The following LPP variants were observed in gnomAD, a reference collection of about 807,000 sequenced individuals.
LPP encodes the protein lipoma-preferred partner.
A neutral mutation model predicts 60.4 loss-of-function variants in LPP; 38 were observed. The observed-to-expected ratio is 0.63, with a 90% CI of 0.49 to 0.83. The LOEUF (loss-of-function observed/expected upper bound fraction) is 0.83. Among genes scored for constraint, LPP ranks in the 40% least tolerant of loss-of-function variants. The pLI is 0.00. For synonymous variants in LPP, 328 were observed against 290.8 expected, an observed-to-expected ratio of 1.13 and a Z score of -1.30; for missense variants, 902 against 783.6, an observed-to-expected ratio of 1.15 and a Z score of -1.80.
At chr3:188,779,282 A>C (rs555323862) in intron 9 of LPP, among the ~76,000 whole-genome samples, 10 of 152,252 alleles carry the variant, frequency 6.6e-5, no homozygotes, top group African/African-American at 2.2e-4. Flanking sequence ...TAGGTGAGTA[A>C]AACTGAATTG....
intron 2 of LPP, among the ~76,000 whole-genome samples, chr3:188,257,225 G>A (rs1560167017): frequency 6.6e-6 from 1 of 152,158 alleles, no homozygotes; most frequent in Non-Finnish European, 1.5e-5. Flanking sequence ...AAGAAGTGTT[G>A]ATAAGCTCAT....
At chr3:188,482,190 T>C (rs755636187) in intron 4 of LPP, among the ~76,000 whole-genome samples, 3 of 152,192 alleles carry the variant, frequency 2.0e-5, no homozygotes, top group Non-Finnish European at 4.4e-5. Context: ...GCCCTCTAGC[T>C]ATGCTTCCTG....
At chr3:188,379,987 T>C (rs1776426526) in intron 3 of LPP, among the ~76,000 whole-genome samples, 1 of 152,234 alleles carries the variant, frequency 6.6e-6, no homozygotes, top group African/African-American at 2.4e-5. Flanking sequence ...GCTTGGACTT[T>C]TTCTGAGATG....
At chr3:188,333,681 C>T (rs1760760942) in intron 2 of LPP, among the ~76,000 whole-genome samples, 1 of 152,132 alleles carries the variant, frequency 6.6e-6, no homozygotes, top group Admixed American at 6.5e-5. Flanking sequence ...ACTATATGCT[C>T]AATGAGCATT....
intron 9 of LPP, among the ~76,000 whole-genome samples, chr3:188,761,009 TG>T (rs1413021369): frequency 1.3e-5 from 2 of 152,248 alleles, no homozygotes; most frequent in Non-Finnish European, 2.9e-5. Context: ...AACTATTCTC[TG>T]GTAGAGTAAT....
chr3:188,698,356 A>G (rs1275084255), intron 7 of LPP, among the ~76,000 whole-genome samples: 1 of 152,104 alleles, frequency 6.6e-6, no homozygotes, highest in African/African-American at 2.4e-5. Flanking sequence ...TCTTGCCTTT[A>G]TTATGTCAAA....
intron 7 of LPP, among the ~76,000 whole-genome samples, chr3:188,708,015 T>C (rs1443327911): frequency 1.3e-5 from 2 of 152,216 alleles, no homozygotes; most frequent in East Asian, 3.8e-4. Context: ...TTGAACAAAA[T>C]AGATTCTTCC....
chr3:188,626,072 C>T (rs1032484596), intron 7 of LPP, among the ~76,000 whole-genome samples: 1 of 152,022 alleles, frequency 6.6e-6, no homozygotes, highest in Admixed American at 6.6e-5. Context: ...AAACCTGAAG[C>T]TTTGAAGCTT....
chr3:188,589,846 G>A lies in LPP; in HGVS notation c.430-19315G>A, dbSNP rs1414215383. On this transcript the variant is annotated intron_variant, in intron 6 of 11. Coordinates refer to ENST00000617246, the MANE Select transcript of LPP (RefSeq NM_001375462.1). ...TTTAAAAAGCATATTTTGAACTAAA[G>A]ACCTGAAATGTGTAGCTTGTGTAGC... Among the ~76,000 whole-genome samples, 3 of 152,244 alleles carry A rather than the reference G, an allele frequency of 2.0e-5. No homozygotes were observed. In the South Asian group the frequency reaches 6.2e-4, roughly 31 times the overall value.
At chr3:188,263,112 C>T (rs1451476967) in intron 2 of LPP, among the ~76,000 whole-genome samples, 1 of 152,162 alleles carries the variant, frequency 6.6e-6, no homozygotes, top group East Asian at 1.9e-4. Flanking sequence ...CATGCCATCC[C>T]TCCATGGAAT....
intron 3 of LPP, among the ~76,000 whole-genome samples, chr3:188,344,332 A>G (rs1441463122): frequency 6.6e-6 from 1 of 152,244 alleles, no homozygotes; most frequent in Non-Finnish European, 1.5e-5. Flanking sequence ...GGCAGTAGTT[A>G]TAAGTGAAAT....
At position 188,347,334 on chromosome 3, in the gene LPP, A is replaced by G. The variant is rs143534358; in HGVS notation, c.-10+5615A>G. The stretch of plus-strand genomic sequence containing the variant: ...ACATTATGAATTACTTCATATCATA[A>G]TTCGTTAACTACGTGTTTATCTGGC... On this transcript the variant is annotated intron_variant, in intron 3 of 11. Transcript: ENST00000617246. Among the ~76,000 whole-genome samples, 1,280 of 152,346 alleles carry G rather than the reference A, an allele frequency of 8.4e-3. 4 individuals are homozygous for G. Among genetic ancestry groups the G allele is most frequent in the Middle Eastern group, 0.048 (14 of 294 alleles).
chr3:188,507,303 G>T (rs1017905357), intron 5 of LPP, among the ~76,000 whole-genome samples: 4 of 152,080 alleles, frequency 2.6e-5, no homozygotes, highest in African/African-American at 7.2e-5. Context: ...TACTGACTCA[G>T]GGTGGTGGGG....
intron 9 of LPP, among the ~76,000 whole-genome samples, chr3:188,787,067 A>G (rs1284705685): frequency 1.3e-5 from 2 of 152,168 alleles, no homozygotes; most frequent in East Asian, 1.9e-4. Context: ...AGGCAGTGCA[A>G]TTACATAAAT....
chr3:188,358,013 G>GA (rs1241551756), intron 3 of LPP, among the ~76,000 whole-genome samples: 2 of 151,708 alleles, frequency 1.3e-5, no homozygotes, highest in Non-Finnish European at 2.9e-5. Flanking sequence ...CATATTGAAG[G>GA]AAAAAAATGA....
intron 1 of LPP, chr3:188,179,640 C>T (rs1724322976): frequency 2.6e-6 from 1 of 379,926 alleles, no homozygotes; most frequent in African/African-American, 2.1e-5. Context: ...GCCAGGAATC[C>T]AGCCGTGGAG....
rs2151379292 is a variant in LPP at position 188,609,880 on chromosome 3, G to C, written c.1113+36G>C. 1.3e-6 allele frequency: 2 copies of C among 1,562,196 alleles called. No homozygotes were observed. Among genetic ancestry groups the C allele is most frequent in the Non-Finnish European group, 1.7e-6 (2 of 1,155,886 alleles). The stretch of plus-strand genomic sequence containing the variant: ...CAGTAACATAAGGAGGAGAATACAG[G>C]GGTGCCTATCTTAGTCTGCCTTCCC... On this transcript the variant is annotated intron_variant, in intron 7 of 11. Coordinates refer to ENST00000617246, the MANE Select transcript of LPP (RefSeq NM_001375462.1). The surrounding 1 kb of genome is among the most constrained non-coding windows in gnomAD (Gnocchi z 6.9).
At chr3:188,620,851 C>A (rs1845677538) in intron 7 of LPP, among the ~76,000 whole-genome samples, 1 of 152,194 alleles carries the variant, frequency 6.6e-6, no homozygotes, top group Non-Finnish European at 1.5e-5. Context: ...AAATACAAAT[C>A]CATGTTCTTC....
At chr3:188,807,656 T>A (rs1749577634) in intron 9 of LPP, among the ~76,000 whole-genome samples, 1 of 152,168 alleles carries the variant, frequency 6.6e-6, no homozygotes, top group Non-Finnish European at 1.5e-5. Context: ...ATTCTTCTTC[T>A]CTGTTACTAT....
Sources: gnomAD v4.1 joint callset for allele counts (sites outside exome capture counted in the v4.1 genomes callset) on GRCh38, gnomAD v4.1.1 for gene constraint, Gnocchi (gnomAD v3.1) non-coding constraint, MANE v1.5 for transcripts, NCBI Gene and HGNC (gene_info 2026-07-23, HGNC 2026-07-21) for gene names.